The following CNIH3 variants were observed in gnomAD, a reference collection of about 807,000 sequenced individuals.
CNIH3 encodes cornichon family AMPA receptor auxiliary protein 3.
CNIH3 carries 14 observed loss-of-function variants against 24.1 expected under a neutral mutation model. That is an observed-to-expected ratio of 0.58 (90% CI 0.38 to 0.91). CNIH3 has a LOEUF of 0.91. CNIH3 is among the 40% of genes least tolerant of loss of function. The pLI, the probability that CNIH3 is intolerant of heterozygous loss-of-function variation, is 0.00. For missense variants in CNIH3, 178 were observed against 196.8 expected, an observed-to-expected ratio of 0.90 and a Z score of 0.57; for synonymous variants, 68 against 73.8, an observed-to-expected ratio of 0.92 and a Z score of 0.40.
At chr1:224,651,240 G>A (rs888215039) in intron 1 of CNIH3, among the ~76,000 whole-genome samples, 1 of 152,140 alleles carries the variant, frequency 6.6e-6, no homozygotes. Context: ...AATAGTATGG[G>A]GAGTATTTTC....
chr1:224,622,560 TGTGCAGAATTCACA>T (rs1279806114), intron 1 of CNIH3, among the ~76,000 whole-genome samples: 4 of 152,206 alleles, frequency 2.6e-5, no homozygotes, highest in African/African-American at 9.7e-5. Flanking sequence ...AGGAGAGAAG[TGTGCAGAATTCACA>T]GGTCACCTAA....
intron 5 of CNIH3, chr1:224,583,413 T>C (rs942718690): frequency 1.3e-5 from 2 of 152,242 alleles, no homozygotes; most frequent in Non-Finnish European, 2.9e-5. Flanking sequence ...GGCCACACTA[T>C]GTGAGAGTGA....
At chr1:224,561,368 C>A (rs866281171) in intron 3 of CNIH3, among the ~76,000 whole-genome samples, 1 of 152,064 alleles carries the variant, frequency 6.6e-6, no homozygotes, top group African/African-American at 2.4e-5. Context: ...TACAATCCAC[C>A]CAGAGCTGAT....
Position 224,680,992 on chromosome 1 carries a change from A to G in CNIH3, c.116A>G (p.Lys39Arg). The G allele has an allele frequency of 6.2e-7, 1 of 1,614,178 alleles. No individual in the cohort carries two copies. Among genetic ancestry groups the G allele is most frequent in the Non-Finnish European group, 8.5e-7 (1 of 1,179,978 alleles). ...TTTGATGAGTTAAGGACAGATTTTA[A>G]GAGCCCCATAGACCAGTGCAATCCT... Reference protein sequence around the residue: ...IAFDELRTDFKSPIDQCNPVH... With the variant: ...IAFDELRTDFRSPIDQCNPVH... The change falls in exon 2 of 6, where the codon AAG (lysine) becomes AGG (arginine). Residue 39 changes from lysine (K) to arginine (R), a missense_variant. Coordinates refer to ENST00000272133, the MANE Select transcript of CNIH3 (RefSeq NM_152495.2).
intron 3 of CNIH3, among the ~76,000 whole-genome samples, chr1:224,564,361 C>T (rs1463524020): frequency 6.6e-6 from 1 of 152,226 alleles, no homozygotes; most frequent in Non-Finnish European, 1.5e-5. Context: ...CTAACCATGA[C>T]ATGAATTTTT....
chr1:224,581,476 T>C (rs959341762), intron 4 of CNIH3, among the ~76,000 whole-genome samples: 5 of 152,224 alleles, frequency 3.3e-5, no homozygotes, highest in Non-Finnish European at 7.3e-5. Flanking sequence ...ATTAATCTGA[T>C]TGTGTGTATT....
intron 2 of CNIH3, among the ~76,000 whole-genome samples, chr1:224,531,713 G>T (rs1679078136): frequency 6.6e-6 from 1 of 152,220 alleles, no homozygotes; most frequent in Admixed American, 6.5e-5. Flanking sequence ...GAATTTCACT[G>T]CACTGCGGAG....
At chr1:224,516,718 G>A (rs778297296) in intron 1 of CNIH3, among the ~76,000 whole-genome samples, 3 of 152,232 alleles carry the variant, frequency 2.0e-5, no homozygotes, top group South Asian at 2.1e-4. Context: ...TAAGCCATTC[G>A]GCGCCTGCCA....
chr1:224,512,171 G>A (rs201775816), upstream of CNIH3, among the ~76,000 whole-genome samples: 64 of 139,738 alleles, frequency 4.6e-4, no homozygotes, highest in East Asian at 9.1e-3. Flanking sequence ...GTGAAACACC[G>A]TCTCAAAAAA....
At chr1:224,614,964 T>C (rs951713013), upstream of CNIH3, among the ~76,000 whole-genome samples, 11 of 147,656 alleles carry the variant, frequency 7.4e-5, no homozygotes, top group African/African-American at 1.1e-4. Flanking sequence ...AATAAATAAA[T>C]AAATAAATAA....
intron 3 of CNIH3, among the ~76,000 whole-genome samples, chr1:224,552,945 C>G (rs1182669605): frequency 6.7e-6 from 1 of 150,300 alleles, no homozygotes; most frequent in Non-Finnish European, 1.5e-5. Context: ...TATATCATCT[C>G]TCTTAGATAT....
At chr1:224,518,161 G>A (rs76298493) in intron 1 of CNIH3, among the ~76,000 whole-genome samples, 19,866 of 152,110 alleles carry the variant, frequency 0.13, 1,620 homozygotes, top group Middle Eastern at 0.25. Flanking sequence ...GCCCTCACCC[G>A]AGGTGGCCAC....
intron 3 of CNIH3, among the ~76,000 whole-genome samples, chr1:224,713,946 C>T (rs368512368): frequency 6.6e-6 from 1 of 152,162 alleles, no homozygotes; most frequent in East Asian, 1.9e-4. Context: ...TCCCGAGTAG[C>T]TGGGACTACA....
chr1:224,518,580 T>C (rs923119748), intron 1 of CNIH3, among the ~76,000 whole-genome samples: 1 of 152,118 alleles, frequency 6.6e-6, no homozygotes, highest in African/African-American at 2.4e-5. Flanking sequence ...ATCTCCCACC[T>C]TGGCCTCCCA....
intron 1 of CNIH3, among the ~76,000 whole-genome samples, chr1:224,490,803 G>A (rs1208682040): frequency 6.6e-6 from 1 of 152,102 alleles, no homozygotes; most frequent in Admixed American, 6.5e-5. Flanking sequence ...TTTGCGAATC[G>A]GGCAGCTCCC....
At chr1:224,509,828 A>C (rs1678067900) in intron 1 of CNIH3, among the ~76,000 whole-genome samples, 1 of 152,138 alleles carries the variant, frequency 6.6e-6, no homozygotes, top group South Asian at 2.1e-4. Context: ...CTGAGGAGCA[A>C]TCCTGCAACC....
chr1:224,506,284 C>T (rs562887140), intron 1 of CNIH3, among the ~76,000 whole-genome samples: 8 of 80,590 alleles, frequency 9.9e-5, no homozygotes, highest in African/African-American at 2.5e-4. Context: ...CGCGCGCGCG[C>T]GCGCACACAC....
At chr1:224,466,726 T>C (rs1676165629) in intron 1 of CNIH3, among the ~76,000 whole-genome samples, 1 of 152,240 alleles carries the variant, frequency 6.6e-6, no homozygotes, top group Non-Finnish European at 1.5e-5. Flanking sequence ...GCCAGCCATG[T>C]AAGAGTGATC....
chr1:224,588,235 A>G (rs938705917), intron 5 of CNIH3: 4 of 152,234 alleles, frequency 2.6e-5, no homozygotes, highest in Admixed American at 2.6e-4. Flanking sequence ...GACAATTCTA[A>G]CACACGGTGT....
Sources: allele counts gnomAD v4.1 joint callset (sites outside exome capture counted in the v4.1 genomes callset), GRCh38; gene constraint gnomAD v4.1.1; transcripts MANE v1.5; gene names NCBI Gene and HGNC (gene_info 2026-07-23, HGNC 2026-07-21).